KDM4C: variants seen among roughly 807,000 people sequenced by gnomAD.
KDM4C encodes lysine-specific demethylase 4C.
A neutral mutation model predicts 129.3 loss-of-function variants in KDM4C; 81 were observed. The observed-to-expected ratio is 0.63, with a 90% confidence interval of 0.52 to 0.75. KDM4C has a LOEUF of 0.75. Ranked by LOEUF, KDM4C falls within the 30% of genes least tolerant of loss-of-function variation. The pLI is 0.00. For missense variants in KDM4C, 1,457 were observed against 1,304.0 expected, an observed-to-expected ratio of 1.12 and a Z score of -1.81; for synonymous variants, 573 against 456.1, an observed-to-expected ratio of 1.26 and a Z score of -3.26.
At chr9:6,825,376 C>G (rs1833721417) in intron 4 of KDM4C, among the ~76,000 whole-genome samples, 1 of 152,186 alleles carries the variant, frequency 6.6e-6, no homozygotes, top group Non-Finnish European at 1.5e-5. Flanking sequence ...ACCTTGACAA[C>G]TGCTTCGGTA....
intron 3 of KDM4C, among the ~76,000 whole-genome samples, chr9:6,807,785 G>A (rs1265993259): frequency 7.3e-6 from 1 of 136,754 alleles, no homozygotes; most frequent in African/African-American, 3.0e-5. Context: ...CGTCTGGGAG[G>A]GAGGTGGGGG....
At chr9:6,919,255 C>CTTTCTTTCTTTAT (rs1554643788) in intron 8 of KDM4C, among the ~76,000 whole-genome samples, 41 of 122,620 alleles carry the variant, frequency 3.3e-4, no homozygotes, top group African/African-American at 1.3e-3. Flanking sequence ...TCTTTTCTTT[C>CTTTCTTTCTTTAT]TTTCTTTCTT....
At chr9:6,864,553 C>G (rs543383286) in intron 5 of KDM4C, among the ~76,000 whole-genome samples, 2 of 149,464 alleles carry the variant, frequency 1.3e-5, no homozygotes, top group East Asian at 4.0e-4. Context: ...TCACAGTAAC[C>G]TCTGCCTCCC....
At chr9:7,058,267 G>C (rs990498170) in intron 17 of KDM4C, among the ~76,000 whole-genome samples, 1 of 59,434 alleles carries the variant, frequency 1.7e-5, no homozygotes, top group Non-Finnish European at 3.4e-5. Context: ...TCAGCATACT[G>C]TTTCCAACCC....
chr9:6,904,266 A>G (rs1011554310), intron 8 of KDM4C, among the ~76,000 whole-genome samples: 5 of 152,124 alleles, frequency 3.3e-5, no homozygotes, highest in African/African-American at 4.8e-5. Flanking sequence ...ATCTGTATCT[A>G]TGTCTATCTA....
intron 18 of KDM4C, among the ~76,000 whole-genome samples, chr9:7,122,349 T>G (rs990888101): frequency 1.3e-5 from 2 of 151,402 alleles, no homozygotes; most frequent in African/African-American, 4.9e-5. Flanking sequence ...TGCTAAACCA[T>G]TAGAAACCAC....
At chr9:6,848,674 A>G (rs1838296271) in intron 4 of KDM4C, among the ~76,000 whole-genome samples, 1 of 152,000 alleles carries the variant, frequency 6.6e-6, no homozygotes, top group Non-Finnish European at 1.5e-5. Context: ...CTCAGGGGAA[A>G]AAAAAAAAAT....
chr9:7,161,678 C>G (rs1843813814), intron 19 of KDM4C, among the ~76,000 whole-genome samples: 1 of 152,126 alleles, frequency 6.6e-6, no homozygotes, highest in Non-Finnish European at 1.5e-5. Flanking sequence ...GCTTGGGCTG[C>G]TGGGCTTTAT....
intron 17 of KDM4C, among the ~76,000 whole-genome samples, chr9:7,070,691 A>G (rs1471007157): frequency 6.6e-6 from 1 of 152,178 alleles, no homozygotes; most frequent in Non-Finnish European, 1.5e-5. Flanking sequence ...CAGACTATCC[A>G]CAGAAAGAAC....
chr9:6,936,184 A>G (rs776331290), intron 8 of KDM4C, among the ~76,000 whole-genome samples: 24 of 152,250 alleles, frequency 1.6e-4, no homozygotes, highest in Non-Finnish European at 2.4e-4. Flanking sequence ...ATAAAAAAAG[A>G]TATCTTGTGA....
chr9:6,924,612 A>G (rs1280620245), intron 8 of KDM4C: 1 of 305,240 alleles, frequency 3.3e-6, no homozygotes, highest in Non-Finnish European at 4.8e-6. Flanking sequence ...TACCTTGCCC[A>G]CGCCAATTCA....
At chr9:6,992,043 A>G (rs575331314) in intron 12 of KDM4C, among the ~76,000 whole-genome samples, 1 of 151,328 alleles carries the variant, frequency 6.6e-6, no homozygotes, top group South Asian at 2.1e-4. Context: ...ACTTTATTAT[A>G]CCCAGTACAA....
intron 17 of KDM4C, among the ~76,000 whole-genome samples, chr9:7,086,458 G>A (rs566813378): frequency 7.2e-5 from 11 of 152,268 alleles, no homozygotes; most frequent in Non-Finnish European, 1.3e-4. Flanking sequence ...TTTTAGAAAG[G>A]TGAGGCTTGT....
intron 5 of KDM4C, among the ~76,000 whole-genome samples, chr9:6,864,938 G>A (rs1356682955): frequency 6.2e-5 from 9 of 146,066 alleles, no homozygotes; most frequent in Non-Finnish European, 1.4e-4. Flanking sequence ...TTCAGCAAAT[G>A]TATTTCTTAG....
intron 8 of KDM4C, among the ~76,000 whole-genome samples, chr9:6,970,130 C>T (rs1831703477): frequency 6.6e-6 from 1 of 152,154 alleles, no homozygotes; most frequent in Non-Finnish European, 1.5e-5. Context: ...CAGAAAGCAT[C>T]CTAACGAAGA....
At chr9:6,767,137 C>CT (rs200478982) in intron 1 of KDM4C, among the ~76,000 whole-genome samples, 14,236 of 150,318 alleles carry the variant, frequency 0.095, 784 homozygotes, top group Non-Finnish European at 0.11. Context: ...TTCTTTTTTG[C>CT]TTTTTTTTTA....
chr9:6,761,082 T>C (rs1389388291), intron 1 of KDM4C, among the ~76,000 whole-genome samples: 1 of 149,956 alleles, frequency 6.7e-6, no homozygotes, highest in Non-Finnish European at 1.5e-5. Context: ...CGATCTCGGC[T>C]CACTGCAACC....
At chr9:6,736,546 G>C (rs946627588) in intron 1 of KDM4C, among the ~76,000 whole-genome samples, 4 of 152,124 alleles carry the variant, frequency 2.6e-5, no homozygotes, top group African/African-American at 4.8e-5. Context: ...GAGGGTGGAA[G>C]CTCTAAGAGT....
intron 1 of KDM4C, among the ~76,000 whole-genome samples, chr9:6,765,685 A>G (rs916609382): frequency 3.9e-5 from 6 of 152,210 alleles, no homozygotes; most frequent in African/African-American, 1.4e-4. Context: ...CAGGACACGC[A>G]TTGGGAAATA....
Sources: allele counts gnomAD v4.1 joint callset (sites outside exome capture counted in the v4.1 genomes callset), GRCh38; gene constraint gnomAD v4.1.1; transcripts MANE v1.5; gene names NCBI Gene and HGNC (gene_info 2026-07-23, HGNC 2026-07-21).